The following DOCK10 variants were observed in gnomAD, a reference collection of about 807,000 sequenced individuals.
DOCK10 encodes dedicator of cytokinesis protein 10.
Under a neutral mutation model 280.1 loss-of-function variants are expected in DOCK10, and 145 were observed. The ratio of observed to expected loss-of-function variants is 0.52; its 90% CI spans 0.45 to 0.59. The LOEUF is 0.59. Among genes scored for constraint, DOCK10 ranks in the 20% least tolerant of loss-of-function variants. DOCK10 has a pLI of 0.00. For synonymous variants in DOCK10, 915 were observed against 942.2 expected (o/e 0.97, Z 0.53); for missense variants, 2,368 against 2,651.7 (o/e 0.89, Z 2.35).
At chr2:224,905,121 A>G (rs1456183348) in intron 3 of DOCK10, among the ~76,000 whole-genome samples, 2 of 152,182 alleles carry the variant, frequency 1.3e-5, no homozygotes, top group African/African-American at 4.8e-5. Context: ...TTCATTTTCA[A>G]TATTATACTC....
rs574007275 is a variant in DOCK10 at position 224,823,263 on chromosome 2, A to G, written c.3183+238T>C. Reference sequence around the variant, plus strand: ...GGCCTCCCAAAGTGCTGGGATTACAAGCATAAGCCATCGCGCCCGGCCTTC... The same window carrying G: ...GGCCTCCCAAAGTGCTGGGATTACAGGCATAAGCCATCGCGCCCGGCCTTC... On this transcript the variant is annotated intron_variant, in intron 28 of 55. Transcript: ENST00000258390. Among the ~76,000 whole-genome samples, 4 of 152,196 alleles carry G rather than the reference A, an allele frequency of 2.6e-5. No individual in the cohort carries two copies. The South Asian group carries it at 8.3e-4, about 32-fold the overall frequency.
intron 29 of DOCK10, among the ~76,000 whole-genome samples, chr2:224,818,659 A>G (rs1694311523): frequency 6.6e-6 from 1 of 152,008 alleles, no homozygotes; most frequent in Admixed American, 6.5e-5. Context: ...CGGCCTCCCA[A>G]AGTGCTGGGA....
chr2:224,915,490 C>A (rs552459943), intron 3 of DOCK10, among the ~76,000 whole-genome samples: 8 of 151,808 alleles, frequency 5.3e-5, no homozygotes, highest in Non-Finnish European at 8.8e-5. Context: ...AAAAAAAGAC[C>A]GATAAAACAA....
chr2:224,886,160 T>C lies in DOCK10; in HGVS notation c.515A>G (p.Lys172Arg). The C allele has an allele frequency of 1.2e-6, 2 of 1,613,752 alleles. No homozygotes were observed. Among genetic ancestry groups the C allele is most frequent in the Non-Finnish European group, 8.5e-7 (1 of 1,179,802 alleles). Residue 172 changes from lysine (K) to arginine (R), a missense_variant, in exon 6 of 56, where the codon AAG becomes AGG. Transcript: ENST00000258390. The part of the protein sequence containing the change: ...DEDTTSHSSS[K>R]GGGGAGGTGV... ...AGTTCCTCCCGCTCCTCCACCCCCC[T>C]TGGAAGACGAGTGGGAAGTGGTATC...
At chr2:224,858,459 C>A (rs1697289465) in intron 14 of DOCK10, among the ~76,000 whole-genome samples, 1 of 152,144 alleles carries the variant, frequency 6.6e-6, no homozygotes, top group Admixed American at 6.6e-5. Flanking sequence ...GAGACTCAGA[C>A]CAGCCTGGTT....
At chr2:225,010,985 T>C (rs9288597) in intron 1 of DOCK10, among the ~76,000 whole-genome samples, 23,545 of 152,178 alleles carry the variant, frequency 0.15, 2,485 homozygotes, top group Non-Finnish European at 0.21. Flanking sequence ...AGGGAAAATA[T>C]AGTAAAATAT....
intron 1 of DOCK10, among the ~76,000 whole-genome samples, chr2:224,931,947 T>G (rs1342138501): frequency 1.3e-5 from 2 of 152,184 alleles, no homozygotes; most frequent in Non-Finnish European, 2.9e-5. Context: ...CCCTATCACA[T>G]CCACAGAATA....
intron 30 of DOCK10, among the ~76,000 whole-genome samples, chr2:224,816,308 C>T (rs1485444205): frequency 2.0e-5 from 3 of 150,938 alleles, no homozygotes; most frequent in Non-Finnish European, 2.9e-5. Flanking sequence ...TTTTGGAGCC[C>T]GTAAAGTGCC....
chr2:224,841,756 C>T, intron 23 of DOCK10, 48 bp downstream of exon 23: 1 of 1,330,938 alleles, frequency 7.5e-7, no homozygotes, highest in Non-Finnish European at 1.1e-6. Context: ...GTCTCTTTTG[C>T]ACATTTTTAC....
Position 224,976,574 on chromosome 2 carries a change from A to G in DOCK10, c.124-44906T>C, listed in dbSNP as rs143768738. On this transcript the variant is annotated intron_variant, in intron 1 of 55. Transcript: ENST00000258390. The stretch of plus-strand genomic sequence containing the variant: ...TTGAAATCTAGAGTTTCTCAATCAT[A>G]GTAGTTCTCAGACCCTCAGGTGAAC... Among the ~76,000 whole-genome samples, 902 of 151,918 alleles carry G rather than the reference A, an allele frequency of 5.9e-3. 11 individuals are homozygous for G. Among genetic ancestry groups the G allele is most frequent in the Middle Eastern group, 0.02 (6 of 294 alleles).
intron 48 of DOCK10, among the ~76,000 whole-genome samples, 174 bp downstream of exon 48, chr2:224,788,890 C>T (rs545017666): frequency 4.3e-4 from 66 of 152,254 alleles, no homozygotes; most frequent in Middle Eastern, 3.4e-3. Context: ...TTTAAATTTT[C>T]GCTGAAATCT....
At chr2:225,019,366 C>G (rs1210635613) in intron 1 of DOCK10, among the ~76,000 whole-genome samples, 1 of 151,978 alleles carries the variant, frequency 6.6e-6, no homozygotes, top group Non-Finnish European at 1.5e-5. Context: ...CTGAAACAGA[C>G]TCTCATGGTT....
intron 1 of DOCK10, among the ~76,000 whole-genome samples, chr2:224,967,137 T>G (rs1486806234): frequency 6.6e-6 from 1 of 151,242 alleles, no homozygotes; most frequent in African/African-American, 2.4e-5. Flanking sequence ...TGGAGTGCAG[T>G]GGCGAGATCT....
rs1386573539 is a variant in DOCK10 at position 224,886,123 on chromosome 2, C to A, written c.552G>T (p.Lys184Asn). The change falls in exon 6 of 56, where the codon AAG becomes AAT. Residue 184 changes from lysine to asparagine, a missense_variant. Transcript: ENST00000258390. ...AATTCCCCTTGTAGAGCCAGCCGGA[C>A]TTGAAAACACCAGTTCCTCCCGCTC... ...GGGAGGTGVF[K>N]SGWLYKGNFN... 6.2e-7 allele frequency: 1 copy of A among 1,613,720 alleles called. No individual in the cohort carries two copies. The highest frequency in any genetic ancestry group is 8.5e-7 in the Non-Finnish European group (1 of 1,179,878).
chr2:224,987,619 T>C (rs1026379778), intron 1 of DOCK10, among the ~76,000 whole-genome samples: 1 of 152,180 alleles, frequency 6.6e-6, no homozygotes, highest in Admixed American at 6.5e-5. Context: ...AAATGAAGAC[T>C]GCAGTTGGTG....
At chr2:224,991,116 T>G (rs1257609095) in intron 1 of DOCK10, among the ~76,000 whole-genome samples, 1 of 152,196 alleles carries the variant, frequency 6.6e-6, no homozygotes, top group Non-Finnish European at 1.5e-5. Flanking sequence ...GCAGGTGGGC[T>G]GAAAGCTTCT....
In DOCK10 at chr2:224,770,539, G is replaced by A. The variant is rs769109007; in HGVS notation, c.6305+6C>T. 6 of 1,611,450 alleles carry A rather than the reference G, an allele frequency of 3.7e-6. No homozygotes were observed. In the African/African-American group the frequency reaches 5.3e-5, roughly 14 times the overall value. On this transcript the variant is annotated splice_donor_region_variant and intron_variant, in intron 54 of 55. Transcript: ENST00000258390. This position sits in a 1 kb window ranked among gnomAD's most constrained non-coding sequence, Gnocchi z 4.5. Reference sequence around the variant, plus strand: ...AGGAAGAACATCCCAACAGCGAGAAGCTTACCTGAAGATCTCCTTCAAAAG... The same window carrying A: ...AGGAAGAACATCCCAACAGCGAGAAACTTACCTGAAGATCTCCTTCAAAAG...
In DOCK10 at chr2:224,774,981, GA is replaced by G; in HGVS notation, c.5936del (p.Phe1979SerfsTer25). ...EMHHNINRFV[F>X]ETPFTLSGKK... ...TGCCCGACAGCGTGAAGGGTGTCTCGAAGACAAAGCGGTTGATGTTGTGGTG... is the reference window on the plus strand; with the variant it reads ...TGCCCGACAGCGTGAAGGGTGTCTCGAGACAAAGCGGTTGATGTTGTGGTG... On this transcript the variant is annotated frameshift_variant, in exon 52 of 56. Coordinates refer to ENST00000258390, the MANE Select transcript of DOCK10 (RefSeq NM_014689.3). LOFTEE classifies it high-confidence loss of function. The G allele has an allele frequency of 6.2e-7, 1 of 1,612,938 alleles. No homozygotes were observed. Among genetic ancestry groups the G allele is most frequent in the Non-Finnish European group, 8.5e-7 (1 of 1,179,450 alleles).
intron 22 of DOCK10, among the ~76,000 whole-genome samples, chr2:224,844,299 T>G (rs2125486601): frequency 6.6e-6 from 1 of 152,146 alleles, no homozygotes; most frequent in Non-Finnish European, 1.5e-5. Flanking sequence ...CCTGACTAAT[T>G]TTGTATTTTT....
Sources: allele counts gnomAD v4.1 joint callset (sites outside exome capture counted in the v4.1 genomes callset), GRCh38; gene constraint gnomAD v4.1.1; non-coding constraint Gnocchi (gnomAD v3.1); transcripts MANE v1.5; gene names NCBI Gene and HGNC (gene_info 2026-07-23, HGNC 2026-07-21).